ABHD2: variants seen among roughly 807,000 people sequenced by gnomAD.
The protein encoded by ABHD2 is abhydrolase domain containing 2, acylglycerol lipase.
Under a neutral mutation model 48.1 loss-of-function variants are expected in ABHD2, and 20 were observed. The observed-to-expected ratio is 0.42, with a 90% confidence interval of 0.29 to 0.60. The LOEUF is 0.60. Among genes scored for constraint, ABHD2 ranks in the 20% least tolerant of loss-of-function variants. ABHD2 has a pLI of 0.24. For synonymous variants in ABHD2, 209 were observed against 214.2 expected (o/e 0.98, Z 0.21); for missense variants, 405 against 550.9 (o/e 0.74, Z 2.65).
At chr15:89,093,173 C>CTTTTTT (rs71149272) in intron 1 of ABHD2, among the ~76,000 whole-genome samples, 7 of 71,776 alleles carry the variant, frequency 9.8e-5, no homozygotes, top group East Asian at 4.1e-4. Flanking sequence ...TTTTTTCATT[C>CTTTTTT]TTTTTTTTTT....
rs973902093 is a variant in ABHD2 at position 89,179,138 on chromosome 15, G to A, written c.722+3143G>A. Among the ~76,000 whole-genome samples the A allele has an allele frequency of 6.6e-6, 1 of 152,170 alleles. No homozygotes were observed. The highest frequency in any genetic ancestry group is 1.9e-4 in the East Asian group (1 of 5,180). Reference sequence around the variant, plus strand: ...CCAAGGAGGTCCTCAGTCAAGTGGGGGGTCCATGAGGAGGGATTTCTGAAG... The same window carrying A: ...CCAAGGAGGTCCTCAGTCAAGTGGGAGGTCCATGAGGAGGGATTTCTGAAG... On this transcript the variant is annotated intron_variant, in intron 6 of 10. Coordinates refer to ENST00000352732, the MANE Select transcript of ABHD2 (RefSeq NM_152924.5). The surrounding 1 kb of genome is among the most constrained non-coding windows in gnomAD (Gnocchi z 4.3).
In ABHD2 at chr15:89,102,507, C is replaced by A. The variant is rs933356268; in HGVS notation, c.-106-11218C>A. Reference sequence around the variant, plus strand: ...ACTGATGCCTTTTCGCAGGTTCTGTCCTCTTCATTTGCAAGCCACTGCTTT... The same window carrying A: ...ACTGATGCCTTTTCGCAGGTTCTGTACTCTTCATTTGCAAGCCACTGCTTT... On this transcript the variant is annotated intron_variant, in intron 1 of 10. Transcript: ENST00000352732. This position sits in a 1 kb window ranked among gnomAD's most constrained non-coding sequence, Gnocchi z 4.8. 3 of 152,246 alleles carry A rather than the reference C, an allele frequency of 2.0e-5. No individual in the cohort carries two copies. The highest frequency in any genetic ancestry group is 4.8e-5 in the African/African-American group (2 of 41,454). 9.4% of individuals were successfully genotyped at this position (152,246 alleles called of 1,614,324 possible). A position where few individuals can be genotyped will look rare whatever the true frequency, so the allele number is the denominator to read the frequency against.
rs536500423 is a variant in ABHD2, at chr15:89,102,998, G to T, written c.-106-10727G>T. On this transcript the variant is annotated intron_variant, in intron 1 of 10. Transcript: ENST00000352732. The surrounding 1 kb of genome is among the most constrained non-coding windows in gnomAD (Gnocchi z 4.8). ...AGTGGAGTGTTTGTGGTGGACGGACGGGAGAGAGGAACACTTGAGGGCATG... is the reference window on the plus strand; with the variant it reads ...AGTGGAGTGTTTGTGGTGGACGGACTGGAGAGAGGAACACTTGAGGGCATG... 3.9e-5 allele frequency among the ~76,000 whole-genome samples: 6 copies of T among 152,336 alleles called. No homozygotes were observed. The highest frequency in any genetic ancestry group is 1.3e-4 in the Admixed American group (2 of 15,310).
chr15:89,148,032 T>C (rs1033606852), intron 3 of ABHD2, among the ~76,000 whole-genome samples: 2 of 144,548 alleles, frequency 1.4e-5, no homozygotes, highest in Non-Finnish European at 3.0e-5. Flanking sequence ...GGCAAGAGAA[T>C]CTGTTGGACC....
At chr15:89,160,647 T>A (rs2050748353) in intron 5 of ABHD2, among the ~76,000 whole-genome samples, 1 of 152,232 alleles carries the variant, frequency 6.6e-6, no homozygotes, top group African/African-American at 2.4e-5. Flanking sequence ...ATACTATCCA[T>A]CCATTATGGC....
In ABHD2 at chr15:89,195,243, CAT is replaced by C; in HGVS notation, c.1099_1100del (p.Met367ValfsTer14). The C allele has an allele frequency of 6.2e-7, 1 of 1,613,806 alleles. No individual in the cohort carries two copies. The highest frequency in any genetic ancestry group is 8.5e-7 in the Non-Finnish European group (1 of 1,179,802). ...CCCCTGCAGAGAAACGAGAGAACGT[CAT>C]GTTTGTGCTGCCTCTGCATGGGGGC... Reference protein sequence around the residue: ...KSLSEKRENVMFVLPLHGGHL... With the variant: ...KSLSEKRENVXFVLPLHGGHL... On this transcript the variant is annotated frameshift_variant, in exon 11 of 11. Transcript: ENST00000352732. LOFTEE classifies it high-confidence loss of function. The surrounding 1 kb of genome is among the most constrained non-coding windows in gnomAD (Gnocchi z 5.1).
chr15:89,157,858 AT>A (rs982990368), intron 5 of ABHD2, among the ~76,000 whole-genome samples: 2 of 152,038 alleles, frequency 1.3e-5, no homozygotes, highest in Admixed American at 1.3e-4. Flanking sequence ...ATTAAAAAAA[AT>A]AAATAAATAG....
At position 89,179,405 on chromosome 15, in the gene ABHD2, ATTCTCATAGGAGGATGAACC is replaced by A. The variant is rs1304601917; in HGVS notation, c.722+3413_722+3432del. On this transcript the variant is annotated intron_variant, in intron 6 of 10. Coordinates refer to ENST00000352732, the MANE Select transcript of ABHD2 (RefSeq NM_152924.5). The surrounding 1 kb of genome is among the most constrained non-coding windows in gnomAD (Gnocchi z 4.3). ...CCTGTCAGATCAGCAGTGACATTAG[ATTCTCATAGGAGGATGAACC>A]TTATTGTGAACTGCGCATGTGAGGG... Among the ~76,000 whole-genome samples the A allele has an allele frequency of 2.0e-5, 3 of 152,184 alleles. No individual in the cohort carries two copies. Among genetic ancestry groups the A allele is most frequent in the African/African-American group, 7.2e-5 (3 of 41,454 alleles).
chr15:89,100,815 G>C lies in ABHD2; in HGVS notation c.-107+12252G>C, dbSNP rs894960568. On this transcript the variant is annotated intron_variant, in intron 1 of 10. Coordinates refer to ENST00000352732, the MANE Select transcript of ABHD2 (RefSeq NM_152924.5). This position sits in a 1 kb window ranked among gnomAD's most constrained non-coding sequence, Gnocchi z 4.4. ...ACCCAGGAGGCGGAGGTTGCTGTGA[G>C]CTGAGATGTGCCATTGCACTCCACC... Among the ~76,000 whole-genome samples the C allele has an allele frequency of 3.3e-5, 5 of 152,138 alleles. No individual in the cohort carries two copies. The highest frequency in any genetic ancestry group is 5.9e-5 in the Non-Finnish European group (4 of 68,020).
rs1456830976 is a variant in ABHD2, at chr15:89,176,789, T to C, written c.722+794T>C. ...TTTTACCAATGAGTATAACCAGTTA[T>C]TAAAAATCTGATGAAAAAATTTGAA... On this transcript the variant is annotated intron_variant, in intron 6 of 10. Coordinates refer to ENST00000352732, the MANE Select transcript of ABHD2 (RefSeq NM_152924.5). This position sits in a 1 kb window ranked among gnomAD's most constrained non-coding sequence, Gnocchi z 4.5. Among the ~76,000 whole-genome samples, 10 of 152,222 alleles carry C rather than the reference T, an allele frequency of 6.6e-5. No individual in the cohort carries two copies. The highest frequency in any genetic ancestry group is 1.5e-5 in the Non-Finnish European group (1 of 68,034).
In ABHD2 at chr15:89,173,793, G is replaced by T. The variant is rs1350548806; in HGVS notation, c.539-2019G>T. On this transcript the variant is annotated intron_variant, in intron 5 of 10. Transcript: ENST00000352732. This position sits in a 1 kb window ranked among gnomAD's most constrained non-coding sequence, Gnocchi z 6.5. Reference sequence around the variant, plus strand: ...CAAACTGCCCCAGCCTCTGCTGAGTGTAAGAGGGAGAAAAATAAGCAGCTT... The same window carrying T: ...CAAACTGCCCCAGCCTCTGCTGAGTTTAAGAGGGAGAAAAATAAGCAGCTT... Among the ~76,000 whole-genome samples, 1 of 152,186 alleles carries T rather than the reference G, an allele frequency of 6.6e-6. No individual in the cohort carries two copies. Among genetic ancestry groups the T allele is most frequent in the African/African-American group, 2.4e-5 (1 of 41,426 alleles).
rs1302113490 is a variant in ABHD2, at chr15:89,177,704, G to A, written c.722+1709G>A. ...CTGAGAGGACATGTGCCTTTATCTT[G>A]GTGGGACTAGTAATATCCAACTCCC... On this transcript the variant is annotated intron_variant, in intron 6 of 10. Transcript: ENST00000352732. The surrounding 1 kb of genome is among the most constrained non-coding windows in gnomAD (Gnocchi z 5.6). Among the ~76,000 whole-genome samples the A allele has an allele frequency of 6.6e-6, 1 of 152,050 alleles. No individual in the cohort carries two copies. The highest frequency in any genetic ancestry group is 1.5e-5 in the Non-Finnish European group (1 of 68,012).
Position 89,100,405 on chromosome 15 carries a change from C to T in ABHD2, c.-107+11842C>T, listed in dbSNP as rs370381542. Among the ~76,000 whole-genome samples, 7 of 152,002 alleles carry T rather than the reference C, an allele frequency of 4.6e-5. No individual in the cohort carries two copies. The highest frequency in any genetic ancestry group is 1.9e-4 in the East Asian group (1 of 5,200). ...TGCTCAAGTGATCCTCCCACTTGCC[C>T]GAAGCCACACAACTAGTAAGTAGTG... On this transcript the variant is annotated intron_variant, in intron 1 of 10. Coordinates refer to ENST00000352732, the MANE Select transcript of ABHD2 (RefSeq NM_152924.5). The surrounding 1 kb of genome is among the most constrained non-coding windows in gnomAD (Gnocchi z 4.4).
In ABHD2 at chr15:89,188,350, G is replaced by A. The variant is rs765275609; in HGVS notation, c.926+47G>A. ...AGGGACGCTCTGGGGCAGGGTGCCA[G>A]GCAGGAGGCTGCAGGTCAGCTGTGC... On this transcript the variant is annotated intron_variant, in intron 8 of 10. Coordinates refer to ENST00000352732, the MANE Select transcript of ABHD2 (RefSeq NM_152924.5). The surrounding 1 kb of genome is among the most constrained non-coding windows in gnomAD (Gnocchi z 4.1). 2 of 1,560,150 alleles carry A rather than the reference G, an allele frequency of 1.3e-6. No homozygotes were observed. The highest frequency in any genetic ancestry group is 3.3e-5 in the Admixed American group (2 of 59,728).
intron 1 of ABHD2, among the ~76,000 whole-genome samples, chr15:89,109,948 T>G (rs981301248): frequency 5.9e-5 from 9 of 152,238 alleles, no homozygotes; most frequent in African/African-American, 2.2e-4. Flanking sequence ...ATATAACCTA[T>G]GCATATCCTC....
Position 89,196,914 on chromosome 15 carries a change from G to A in ABHD2, c.*1491G>A, listed in dbSNP as rs139149477. On this transcript the variant is annotated 3_prime_UTR_variant, in exon 11 of 11. Coordinates refer to ENST00000352732, the MANE Select transcript of ABHD2 (RefSeq NM_152924.5). ...AACCCTGCACTTTGAACAATCAGCT[G>A]TTGCTATCTGGAACTAAACAGAACT... 16 of 152,712 alleles carry A rather than the reference G, an allele frequency of 1.0e-4. No individual in the cohort carries two copies. The East Asian group carries it at 2.9e-3, about 28-fold the overall frequency. The allele number at this position is 152,712 out of a possible 1,614,324, so 9.5% of individuals were successfully genotyped here.
chr15:89,136,234 G>T, intron 3 of ABHD2: 1 of 326,352 alleles, frequency 3.1e-6, no homozygotes, highest in Non-Finnish European at 6.1e-6. Flanking sequence ...CAGCCTGAAC[G>T]TCTTTTTTGT....
intron 5 of ABHD2, among the ~76,000 whole-genome samples, chr15:89,158,953 C>T (rs1245367321): frequency 1.3e-5 from 2 of 151,898 alleles, no homozygotes; most frequent in Non-Finnish European, 1.5e-5. Context: ...TGTGAGCCAC[C>T]GTGCCAGCCA....
At chr15:89,171,814 G>A (rs1357280614) in intron 5 of ABHD2, among the ~76,000 whole-genome samples, 1 of 152,196 alleles carries the variant, frequency 6.6e-6, no homozygotes, top group African/African-American at 2.4e-5. Flanking sequence ...GTGCGCCACA[G>A]CCACAGTGGT....
Sources: allele counts gnomAD v4.1 joint callset (sites outside exome capture counted in the v4.1 genomes callset), GRCh38; gene constraint gnomAD v4.1.1; non-coding constraint Gnocchi (gnomAD v3.1); transcripts MANE v1.5; gene names NCBI Gene and HGNC (gene_info 2026-07-23, HGNC 2026-07-21).